NCALD: variants seen among roughly 807,000 people sequenced by gnomAD.
NCALD encodes the protein neurocalcin delta, also known as neurocalcin-delta.
A neutral mutation model predicts 18.6 loss-of-function variants in NCALD; 10 were observed. That is an observed-to-expected ratio of 0.54 (90% confidence interval 0.33 to 0.91). The LOEUF (loss-of-function observed/expected upper bound fraction) is 0.91, where lower values mean the gene tolerates loss of function less well. Among genes scored for constraint, NCALD ranks in the 40% least tolerant of loss-of-function variants. The pLI is 0.03. For synonymous variants in NCALD, 88 were observed against 87.4 expected, an observed-to-expected ratio of 1.01 and a Z score of -0.04; for missense variants, 184 against 247.6, an observed-to-expected ratio of 0.74 and a Z score of 1.72.
intron 3 of NCALD, among the ~76,000 whole-genome samples, chr8:101,906,088 T>C (rs974883899): frequency 6.6e-6 from 1 of 152,188 alleles, no homozygotes; most frequent in Admixed American, 6.5e-5. Flanking sequence ...GTCAAGTTCA[T>C]GTAAGTATGT....
intron 3 of NCALD, among the ~76,000 whole-genome samples, chr8:101,892,989 T>C (rs951754474): frequency 4.0e-5 from 6 of 148,644 alleles, no homozygotes; most frequent in East Asian, 1.9e-4. Context: ...CAGGCCAACA[T>C]TCAGATTCAG....
At chr8:101,845,715 C>G (rs924595881) in intron 4 of NCALD, among the ~76,000 whole-genome samples, 2 of 152,140 alleles carry the variant, frequency 1.3e-5, no homozygotes, top group African/African-American at 4.8e-5. Context: ...TTGAAATATA[C>G]AGTAGATTAT....
At chr8:101,772,974 T>C (rs1446819087) in intron 1 of NCALD, among the ~76,000 whole-genome samples, 1 of 152,176 alleles carries the variant, frequency 6.6e-6, no homozygotes, top group East Asian at 1.9e-4. Context: ...TATTATCTCA[T>C]CTTATTGTCC....
intron 1 of NCALD, among the ~76,000 whole-genome samples, chr8:102,062,329 G>A (rs1823874737): frequency 6.6e-6 from 1 of 152,196 alleles, no homozygotes; most frequent in African/African-American, 2.4e-5. Context: ...AGTCAGAGTA[G>A]AGGTAGTCCG....
chr8:102,030,228 T>C (rs188727678), intron 1 of NCALD, among the ~76,000 whole-genome samples: 1 of 152,320 alleles, frequency 6.6e-6, no homozygotes, highest in Non-Finnish European at 1.5e-5. Flanking sequence ...TATTCCCTGG[T>C]CATTTAAGGC....
chr8:101,957,404 A>C (rs575451532), intron 2 of NCALD, among the ~76,000 whole-genome samples: 1 of 151,658 alleles, frequency 6.6e-6, no homozygotes, highest in East Asian at 1.9e-4. Flanking sequence ...CCAGGAAATC[A>C]AATGAAATCA....
At chr8:102,031,443 G>A (rs1822666575) in intron 1 of NCALD, among the ~76,000 whole-genome samples, 1 of 152,168 alleles carries the variant, frequency 6.6e-6, no homozygotes, top group African/African-American at 2.4e-5. Flanking sequence ...ATGGAGATAG[G>A]TCACACAGAA....
At chr8:101,791,195 C>T (rs1563773898), upstream of NCALD, among the ~76,000 whole-genome samples, 2 of 152,184 alleles carry the variant, frequency 1.3e-5, no homozygotes, top group Non-Finnish European at 2.9e-5. Context: ...ACAACCTCAA[C>T]CCCCGAAGTT....
At chr8:101,779,540 A>G (rs761457897) in intron 1 of NCALD, among the ~76,000 whole-genome samples, 1 of 152,312 alleles carries the variant, frequency 6.6e-6, no homozygotes, top group Non-Finnish European at 1.5e-5. Context: ...TGTGGAATGT[A>G]AAAAACACTG....
chr8:102,107,292 G>C (rs1479829231), intron 1 of NCALD, among the ~76,000 whole-genome samples: 1 of 140,822 alleles, frequency 7.1e-6, no homozygotes, highest in Non-Finnish European at 1.5e-5. Context: ...ATGAATAAGA[G>C]GCACACGAGA....
In NCALD at chr8:102,025,934, A is replaced by G. The variant is rs1017644382; in HGVS notation, c.-209-5645T>C. Among the ~76,000 whole-genome samples the G allele has an allele frequency of 9.9e-5, 15 of 152,202 alleles. 1 individual carries two copies. Among genetic ancestry groups the G allele is most frequent in the Admixed American group, 7.2e-4 (11 of 15,280 alleles). On this transcript the variant is annotated intron_variant, in intron 1 of 6. Transcript: ENST00000311028. ...CTGGGGAGGCTTCAGGAAACTTACA[A>G]TCATGGTAGGGGAAGCAAACACATC...
intron 4 of NCALD, among the ~76,000 whole-genome samples, chr8:101,868,339 G>T (rs973535173): frequency 8.5e-5 from 13 of 152,120 alleles, no homozygotes; most frequent in African/African-American, 2.7e-4. Flanking sequence ...AGGTACCAGG[G>T]ATCCCGGAAT....
chr8:101,881,995 A>T (rs1433245447), intron 4 of NCALD, among the ~76,000 whole-genome samples: 1 of 152,156 alleles, frequency 6.6e-6, no homozygotes, highest in East Asian at 1.9e-4. Flanking sequence ...ACTGAGGGTG[A>T]TATTTGCCCT....
intron 1 of NCALD, among the ~76,000 whole-genome samples, chr8:102,107,219 T>TATATATATATATAC (rs1563623242): frequency 5.5e-5 from 7 of 127,356 alleles, no homozygotes; most frequent in African/African-American, 2.5e-4. Flanking sequence ...TATATATATA[T>TATATATATATATAC]ATATATATAT....
chr8:101,871,726 T>C (rs1187582518), intron 4 of NCALD: 1 of 191,376 alleles, frequency 5.2e-6, no homozygotes, highest in African/African-American at 2.3e-5. Flanking sequence ...ACATAATTTA[T>C]ACAAAACTAA....
Position 101,689,060 on chromosome 8 carries a change from T to G in NCALD, c.*249A>C, listed in dbSNP as rs1261979580. On this transcript the variant is annotated 3_prime_UTR_variant, in exon 4 of 4. Transcript: ENST00000220931. The surrounding 1 kb of genome is among the most constrained non-coding windows in gnomAD (Gnocchi z 4.4). Reference sequence around the variant, plus strand: ...AATAAAAAAAAATAATAGTAACGATTAAAAATCATCAAACAATGAACACCA... The same window carrying G: ...AATAAAAAAAAATAATAGTAACGATGAAAAATCATCAAACAATGAACACCA... The G allele has an allele frequency of 1.4e-6, 1 of 702,240 alleles. No homozygotes were observed. The highest frequency in any genetic ancestry group is 1.5e-5 in the South Asian group (1 of 67,382). 43.5% of individuals were successfully genotyped at this position (702,240 alleles called of 1,614,324 possible). A position where few individuals can be genotyped will look rare whatever the true frequency, so the allele number is the denominator to read the frequency against.
At chr8:101,913,983 T>C (rs1256403212) in intron 3 of NCALD, among the ~76,000 whole-genome samples, 3 of 152,352 alleles carry the variant, frequency 2.0e-5, no homozygotes, top group South Asian at 2.1e-4. Flanking sequence ...TACCCAGTTT[T>C]CCCAAATATT....
intron 4 of NCALD, chr8:101,852,692 C>T (rs1166360269): frequency 1.3e-5 from 2 of 152,232 alleles, no homozygotes; most frequent in Non-Finnish European, 2.9e-5. Flanking sequence ...GTCACAAGCT[C>T]AGAAGCTTCT....
At chr8:101,899,446 A>C (rs968434977) in intron 3 of NCALD, among the ~76,000 whole-genome samples, 4 of 151,992 alleles carry the variant, frequency 2.6e-5, no homozygotes, top group African/African-American at 7.2e-5. Flanking sequence ...GAGTGGTGAG[A>C]GCAGTCATCC....
Sources: allele counts gnomAD v4.1 joint callset (sites outside exome capture counted in the v4.1 genomes callset), GRCh38; gene constraint gnomAD v4.1.1; non-coding constraint Gnocchi (gnomAD v3.1); transcripts MANE v1.5; gene names NCBI Gene and HGNC (gene_info 2026-07-23, HGNC 2026-07-21).